The following MX2 variants were observed in gnomAD, a reference collection of about 807,000 sequenced individuals.
MX2 encodes interferon-induced GTP-binding protein Mx2.
Under a neutral mutation model 74.0 loss-of-function variants are expected in MX2, and 51 were observed. The observed-to-expected ratio is 0.69, with a 90% CI of 0.55 to 0.87. The LOEUF is 0.87. MX2 is among the 40% of genes least tolerant of loss of function. The probability of loss-of-function intolerance (pLI) is 0.00; values close to 1 mark genes in which losing one functional copy is unlikely to be tolerated. For synonymous variants in MX2, 369 were observed against 339.3 expected (o/e 1.09, Z -0.96); for missense variants, 832 against 908.7 (o/e 0.92, Z 1.09).
chr21:41,409,016 G>C lies in MX2; in HGVS notation c.*783G>C, dbSNP rs967886177. On this transcript the variant is annotated 3_prime_UTR_variant, in exon 14 of 14. Transcript: ENST00000330714. ...GAAGCAGAAGGATCACTTGAGCCCA[G>C]GAGTTCAAGACCAGACTGGGCAACA... 4 of 152,242 alleles carry C rather than the reference G, an allele frequency of 2.6e-5. No homozygotes were observed. Among genetic ancestry groups the C allele is most frequent in the African/African-American group, 4.8e-5 (2 of 41,456 alleles). The allele number at this position is 152,242 out of a possible 1,614,324, so 9.4% of individuals were successfully genotyped here.
chr21:41,390,872 G>T (rs530789377), intron 6 of MX2, among the ~76,000 whole-genome samples, 169 bp downstream of exon 6: 11 of 152,178 alleles, frequency 7.2e-5, no homozygotes, highest in African/African-American at 2.7e-4. Flanking sequence ...CGGGCATGGT[G>T]GCTGGTGCCT....
intron 7 of MX2, among the ~76,000 whole-genome samples, chr21:41,396,188 C>T (rs1225878182): frequency 6.6e-6 from 1 of 152,182 alleles, no homozygotes; most frequent in Admixed American, 6.5e-5. Context: ...TCCAGAAACC[C>T]GTGTGTACCA....
chr21:41,362,416 G>A (rs937155917), intron 1 of MX2, among the ~76,000 whole-genome samples: 2 of 152,070 alleles, frequency 1.3e-5, no homozygotes, highest in Non-Finnish European at 2.9e-5. Flanking sequence ...CTTTGTGCCC[G>A]AAAAGTCGTC....
chr21:41,395,484 G>A, intron 6 of MX2, 103 bp from the exon 7 acceptor site: 1 of 980,376 alleles, frequency 1.0e-6, no homozygotes, highest in Admixed American at 2.3e-5. Flanking sequence ...CAAGACTGCA[G>A]AAGACCTTGT....
At chr21:41,403,791 A>C (rs892812241) in intron 12 of MX2, 14 of 391,588 alleles carry the variant, frequency 3.6e-5, no homozygotes, top group African/African-American at 2.9e-4. Context: ...AAGAGAGGGC[A>C]TGTGGCACTT....
At chr21:41,376,199 G>A (rs1159369402) in intron 1 of MX2, among the ~76,000 whole-genome samples, 1 of 152,162 alleles carries the variant, frequency 6.6e-6, no homozygotes, top group East Asian at 1.9e-4. Context: ...CTGGTGCTGA[G>A]CCACAGAGAC....
In MX2 at chr21:41,406,893, G is replaced by A; in HGVS notation, c.1800G>A (p.Leu600=). 1 of 1,614,194 alleles carries A rather than the reference G, an allele frequency of 6.2e-7. No homozygotes were observed. Among genetic ancestry groups the A allele is most frequent in the Non-Finnish European group, 8.5e-7 (1 of 1,180,038 alleles). ...KKVREEIFNP[L]GTPSQNMKLN... is the part of the protein sequence containing the mutation. Reference sequence around the variant, plus strand: ...TCCGAGAAGAGATTTTTAACCCTCTGGGGACGCCTTCACAGAATATGAAGT... The same window carrying A: ...TCCGAGAAGAGATTTTTAACCCTCTAGGGACGCCTTCACAGAATATGAAGT... Residue 600 remains leucine (L), a synonymous_variant, in exon 13 of 14, where the codon CTG becomes CTA. Transcript: ENST00000330714.
chr21:41,401,980 T>G lies in MX2; in HGVS notation c.1425T>G (p.Ile475Met), dbSNP rs1341949082. 1.9e-6 allele frequency: 3 copies of G among 1,613,086 alleles called. No individual in the cohort carries two copies. The highest frequency in any genetic ancestry group is 1.1e-5 in the South Asian group (1 of 90,872). The change falls in exon 11 of 14, where the codon ATT becomes ATG. Residue 475 changes from isoleucine (I) to methionine (M), a missense_variant. Transcript: ENST00000330714. ...LATNTQKVKN[I>M]IHEEVEKYEK... is the part of the protein sequence containing the mutation. Reference sequence around the variant, plus strand: ...TGTTTGATGTTGCAGTTAAAAATATTATCCACGAAGAAGTTGAAAAATATG... The same window carrying G: ...TGTTTGATGTTGCAGTTAAAAATATGATCCACGAAGAAGTTGAAAAATATG...
At chr21:41,382,300 C>T in intron 4 of MX2, 110 bp from the exon 5 acceptor site, 2 of 1,332,350 alleles carry the variant, frequency 1.5e-6, no homozygotes, top group Non-Finnish European at 2.0e-6. Flanking sequence ...CACCAGGGAC[C>T]TACTGAAGCT....
At chr21:41,375,654 C>G (rs1186441864) in intron 1 of MX2, among the ~76,000 whole-genome samples, 1 of 152,212 alleles carries the variant, frequency 6.6e-6, no homozygotes, top group Non-Finnish European at 1.5e-5. Context: ...ATAAGGACAC[C>G]TGTGATGAGA....
intron 1 of MX2, 138 bp from the exon 2 acceptor site, chr21:41,376,698 C>T (rs2089407141): frequency 3.2e-6 from 2 of 631,290 alleles, no homozygotes; most frequent in Non-Finnish European, 5.4e-6. Context: ...GACAGGGGCC[C>T]TGCACTGGAC....
Position 41,408,345 on chromosome 21 carries a change from T to C in MX2, c.*112T>C. ...CCAAACTCTTCTGTCACTATCAGTG[T>C]CCATCTCTACTGTACTCCCTCAGCA... On this transcript the variant is annotated 3_prime_UTR_variant, in exon 14 of 14. Transcript: ENST00000330714. 7.0e-7 allele frequency: 1 copy of C among 1,418,928 alleles called. No homozygotes were observed. Among genetic ancestry groups the C allele is most frequent in the East Asian group, 2.3e-5 (1 of 42,988 alleles). 87.9% of individuals were successfully genotyped at this position (1,418,928 alleles called of 1,614,324 possible). A position where few individuals can be genotyped will look rare whatever the true frequency, so the allele number is the denominator to read the frequency against.
At chr21:41,384,002 T>C (rs2145904959) in intron 5 of MX2, among the ~76,000 whole-genome samples, 1 of 152,168 alleles carries the variant, frequency 6.6e-6, no homozygotes, top group African/African-American at 2.4e-5. Flanking sequence ...TGGGAGGTGA[T>C]AGGATCATGG....
At chr21:41,406,534 A>G (rs1337888455) in intron 12 of MX2, among the ~76,000 whole-genome samples, 1 of 152,156 alleles carries the variant, frequency 6.6e-6, no homozygotes, top group Non-Finnish European at 1.5e-5. Flanking sequence ...GAGAGAAGGT[A>G]TGTCGCAAGT....
chr21:41,403,557 GA>G (rs2089844194), intron 12 of MX2: 1 of 746,322 alleles, frequency 1.3e-6, no homozygotes, highest in African/African-American at 1.7e-5. Flanking sequence ...CTCCCCAGGA[GA>G]AATGAAATGC....
Position 41,408,163 on chromosome 21 carries a change from A to T in MX2, c.2078A>T (p.Lys693Met), listed in dbSNP as rs756633652. ...ACCGCTACCAAGAGAAGAATCCTTA[A>T]GGAGAGAATTTACCGGCTCACTCAG... ...SETATKRRIL[K>M]ERIYRLTQAR... The change falls in exon 14 of 14, where the codon AAG becomes ATG. Residue 693 changes from lysine (K) to methionine (M), a missense_variant. Lys to Met is a moderately conservative substitution (Grantham distance 95). Coordinates refer to ENST00000330714, the MANE Select transcript of MX2 (RefSeq NM_002463.2). The T allele has an allele frequency of 6.2e-7, 1 of 1,614,098 alleles. No homozygotes were observed. The highest frequency in any genetic ancestry group is 1.3e-5 in the African/African-American group (1 of 74,932).
intron 10 of MX2, among the ~76,000 whole-genome samples, chr21:41,400,312 A>C (rs139861712): frequency 6.6e-6 from 1 of 152,170 alleles, no homozygotes; most frequent in Admixed American, 6.5e-5. Flanking sequence ...TAGATGAAGT[A>C]GCAGTTTTTT....
At chr21:41,385,476 G>A (rs970367455) in intron 5 of MX2, among the ~76,000 whole-genome samples, 11 of 152,288 alleles carry the variant, frequency 7.2e-5, no homozygotes, top group South Asian at 2.1e-4. Flanking sequence ...CCCTGCACAC[G>A]CTCTCTTGAC....
intron 5 of MX2, among the ~76,000 whole-genome samples, chr21:41,382,920 A>T (rs1258666561): frequency 3.3e-5 from 5 of 152,206 alleles, no homozygotes; most frequent in South Asian, 2.1e-4. Flanking sequence ...GCAATATTTT[A>T]AAAAATGAAT....
Sources: allele counts gnomAD v4.1 joint callset (sites outside exome capture counted in the v4.1 genomes callset), GRCh38; gene constraint gnomAD v4.1.1; transcripts MANE v1.5; gene names NCBI Gene and HGNC (gene_info 2026-07-23, HGNC 2026-07-21).